Variants in SH3BGRL observed in about 807,000 individuals in gnomAD.
SH3BGRL encodes the protein adapter SH3BGRL.
In SH3BGRL, 7 loss-of-function variants were observed where a neutral mutation model predicts 9.8. That is an observed-to-expected ratio of 0.72 (90% CI 0.41 to 1.35). SH3BGRL has a LOEUF of 1.35. Among genes scored for constraint, SH3BGRL ranks in the 40% most tolerant of loss-of-function variants. The pLI is 0.01. For missense variants in SH3BGRL, 73 were observed against 84.4 expected, an observed-to-expected ratio of 0.86 and a Z score of 0.53; for synonymous variants, 36 against 29.1, an observed-to-expected ratio of 1.24 and a Z score of -0.76.
intron 1 of SH3BGRL, among the ~76,000 whole-genome samples, chrX:81,221,517 A>C (rs2075600087): frequency 9.0e-6 from 1 of 111,715 alleles, no homozygotes; most frequent in Non-Finnish European, 1.9e-5. Context: ...AAGTAAAGAT[A>C]ATTTTTGCTC....
intron 1 of SH3BGRL, among the ~76,000 whole-genome samples, chrX:81,241,453 C>T (rs2075669281): frequency 8.9e-6 from 1 of 111,995 alleles, no homozygotes; most frequent in Non-Finnish European, 1.9e-5. Flanking sequence ...GCTTATGGTA[C>T]TTTTTCTTGG....
At chrX:81,282,674 A>T (rs2075821570) in intron 3 of SH3BGRL, among the ~76,000 whole-genome samples, 1 of 111,881 alleles carries the variant, frequency 8.9e-6, no homozygotes, top group South Asian at 3.7e-4. Context: ...GGATACAGCA[A>T]AGGTGGTGCT....
intron 1 of SH3BGRL, among the ~76,000 whole-genome samples, chrX:81,247,120 T>C (rs745769590): frequency 8.9e-6 from 1 of 112,112 alleles, no homozygotes; most frequent in East Asian, 2.8e-4. Flanking sequence ...TTGGATGTTA[T>C]TGTTGTATAG....
At chrX:81,272,242 G>A (rs1465936787) in intron 1 of SH3BGRL, among the ~76,000 whole-genome samples, 1 of 107,842 alleles carries the variant, frequency 9.3e-6, no homozygotes, top group Non-Finnish European at 1.9e-5. Context: ...GGTCGTGGCA[G>A]TATTCATTTA....
intron 1 of SH3BGRL, among the ~76,000 whole-genome samples, chrX:81,240,396 G>T (rs112308312): frequency 6.3e-5 from 7 of 111,883 alleles, no homozygotes; most frequent in Non-Finnish European, 1.3e-4. Context: ...CAAGTATGTG[G>T]CATGCCAACA....
Position 81,202,106 on chromosome X carries a change from A to T in SH3BGRL, c.-95A>T. 1 of 895,890 alleles carries T rather than the reference A, an allele frequency of 1.1e-6. No individual in the cohort carries two copies. Among genetic ancestry groups the T allele is most frequent in the Non-Finnish European group, 1.6e-6 (1 of 625,007 alleles). The allele number at this position is 895,890 out of a possible 1,213,427, so 73.8% of individuals were successfully genotyped here. On this transcript the variant is annotated 5_prime_UTR_variant, in exon 1 of 4. Coordinates refer to ENST00000373212, the MANE Select transcript of SH3BGRL (RefSeq NM_003022.3). ...CACCTTCCCCCACCCTTCTCTGCCA[A>T]CCGCTGTTTCAGCCCCTAGCTGGAT...
intron 1 of SH3BGRL, among the ~76,000 whole-genome samples, chrX:81,202,935 T>C (rs2075534459): frequency 8.9e-6 from 1 of 111,738 alleles, no homozygotes; most frequent in African/African-American, 3.3e-5. Context: ...TATTTTACTT[T>C]TAAATTTCTC....
chrX:81,283,048 C>T (rs140532105), intron 3 of SH3BGRL, among the ~76,000 whole-genome samples: 81 of 111,628 alleles, frequency 7.3e-4, no homozygotes, highest in South Asian at 6.6e-3. Context: ...CACCTCTATG[C>T]GCATAAACTA....
At chrX:81,257,309 A>T (rs1220852308) in intron 1 of SH3BGRL, among the ~76,000 whole-genome samples, 4 of 112,399 alleles carry the variant, frequency 3.6e-5, no homozygotes, top group African/African-American at 1.3e-4. Context: ...ACACAGATAA[A>T]TGGAGGATTT....
rs997884214 is a variant in SH3BGRL, at chrX:81,298,020, G to T, written c.*793G>T. 24 of 111,923 alleles carry T rather than the reference G, an allele frequency of 2.1e-4. 3 individuals carry two copies. The Admixed American group carries it at 2.2e-3, about 10-fold the overall frequency. 9.2% of individuals were successfully genotyped at this position (111,923 alleles called of 1,213,427 possible). A position where few individuals can be genotyped will look rare whatever the true frequency, so the allele number is the denominator to read the frequency against. On this transcript the variant is annotated 3_prime_UTR_variant, in exon 4 of 4. Coordinates refer to ENST00000373212, the MANE Select transcript of SH3BGRL (RefSeq NM_003022.3). ...TTAAAATGGCATTCTCTAGCAAAGAGATTAGACTTTTAAATAACTCTTATA... is the reference window on the plus strand; with the variant it reads ...TTAAAATGGCATTCTCTAGCAAAGATATTAGACTTTTAAATAACTCTTATA...
chrX:81,232,581 T>C (rs2075636135), intron 1 of SH3BGRL, among the ~76,000 whole-genome samples: 2 of 111,052 alleles, frequency 1.8e-5, no homozygotes, highest in African/African-American at 6.5e-5. Context: ...TATCCTGCTC[T>C]CCTTTCTCAT....
chrX:81,236,806 G>T (rs1265106276), intron 1 of SH3BGRL, among the ~76,000 whole-genome samples: 1 of 110,344 alleles, frequency 9.1e-6, no homozygotes, highest in African/African-American at 3.3e-5. Flanking sequence ...TAATACACAG[G>T]ATTCTAGAAG....
intron 1 of SH3BGRL, among the ~76,000 whole-genome samples, chrX:81,232,972 T>G: frequency 8.9e-6 from 1 of 111,886 alleles, no homozygotes; most frequent in Middle Eastern, 4.6e-3. Context: ...TTTTGGTGCC[T>G]TCTTAAATTT....
At chrX:81,260,976 T>TA (rs755550790) in intron 1 of SH3BGRL, among the ~76,000 whole-genome samples, 12 of 109,388 alleles carry the variant, frequency 1.1e-4, no homozygotes, top group African/African-American at 3.9e-4. Flanking sequence ...CTCATTTGGA[T>TA]AAAAAAAGGA....
intron 1 of SH3BGRL, among the ~76,000 whole-genome samples, chrX:81,252,541 C>T (rs1168039574): frequency 9.0e-6 from 1 of 111,567 alleles, no homozygotes; most frequent in Non-Finnish European, 1.9e-5. Flanking sequence ...AGTCTTTTGG[C>T]GTCCCTGGGC....
At chrX:81,223,828 C>G (rs1286636901) in intron 1 of SH3BGRL, among the ~76,000 whole-genome samples, 1 of 111,444 alleles carries the variant, frequency 9.0e-6, no homozygotes, top group Non-Finnish European at 1.9e-5. Flanking sequence ...AGTACCCTCC[C>G]TAGTACCAGG....
intron 3 of SH3BGRL, among the ~76,000 whole-genome samples, chrX:81,284,428 T>C (rs1177501059): frequency 9.1e-6 from 1 of 109,347 alleles, no homozygotes; most frequent in African/African-American, 3.3e-5. Flanking sequence ...TTACAGGATT[T>C]AGGAATTAAT....
At chrX:81,237,430 G>C (rs1206008042) in intron 1 of SH3BGRL, 1 of 255,147 alleles carries the variant, frequency 3.9e-6, no homozygotes, top group Non-Finnish European at 7.3e-6. Context: ...TCTGGTTGCT[G>C]GGGGAGGGAG....
intron 1 of SH3BGRL, among the ~76,000 whole-genome samples, chrX:81,257,622 G>T (rs1322230602): frequency 8.9e-6 from 1 of 112,062 alleles, no homozygotes; most frequent in Admixed American, 9.5e-5. Context: ...TTCATAGCCA[G>T]AAAAAGAAAG....
Sources: allele counts gnomAD v4.1 joint callset (sites outside exome capture counted in the v4.1 genomes callset), GRCh38; gene constraint gnomAD v4.1.1; transcripts MANE v1.5; gene names NCBI Gene and HGNC (gene_info 2026-07-23, HGNC 2026-07-21).